The following TET3 variants were observed in gnomAD, a reference collection of about 807,000 sequenced individuals.
TET3 encodes methylcytosine dioxygenase TET3.
TET3 carries 19 observed loss-of-function variants against 141.4 expected under a neutral mutation model. That is an observed-to-expected ratio of 0.13 (90% CI 0.09 to 0.20). The LOEUF is 0.20. Ranked by LOEUF, TET3 falls within the 10% of genes least tolerant of loss-of-function variation. The probability of loss-of-function intolerance (pLI) is 1.00; values close to 1 mark genes in which losing one functional copy is unlikely to be tolerated. For missense variants in TET3, 1,874 were observed against 2,356.9 expected (o/e 0.80, Z 4.24); for synonymous variants, 1,043 against 980.9 (o/e 1.06, Z -1.18).
intron 4 of TET3, among the ~76,000 whole-genome samples, chr2:74,052,719 A>C (rs1558750687): frequency 6.6e-6 from 1 of 152,026 alleles, no homozygotes; most frequent in Non-Finnish European, 1.5e-5. Flanking sequence ...AAAATACAAA[A>C]ATTAGCTGGG....
At position 74,107,934 on chromosome 2, in the gene TET3, A is replaced by AAT. The variant is rs1448161473; in HGVS notation, c.*5761_*5762dup. On this transcript the variant is annotated 3_prime_UTR_variant, in exon 12 of 12. Coordinates refer to ENST00000409262, the MANE Select transcript of TET3 (RefSeq NM_001287491.2). ...TTTGTATAATTTTTACCTTTTTGTT[A>AAT]ATATTTTTTCCTTCCACTTTATTGG... 6.5e-6 allele frequency: 1 copy of AAT among 152,922 alleles called. No individual in the cohort carries two copies. The highest frequency in any genetic ancestry group is 6.6e-5 in the Admixed American group (1 of 15,262). The allele number at this position is 152,922 out of a possible 1,614,324, so 9.5% of individuals were successfully genotyped here. A position where few individuals can be genotyped will look rare whatever the true frequency, so the allele number is the denominator to read the frequency against.
intron 10 of TET3, among the ~76,000 whole-genome samples, chr2:74,097,854 A>G (rs1307545645): frequency 1.3e-5 from 2 of 152,138 alleles, no homozygotes; most frequent in Non-Finnish European, 2.9e-5. Context: ...TCAGAGGCAC[A>G]CTCGCAGGGA....
At chr2:74,032,826 A>G (rs780877743) in intron 3 of TET3, among the ~76,000 whole-genome samples, 3 of 152,118 alleles carry the variant, frequency 2.0e-5, no homozygotes, top group Non-Finnish European at 4.4e-5. Context: ...TGCCCAGGCG[A>G]TAACTTTGCA....
At chr2:74,064,178 T>A (rs763494585) in intron 4 of TET3, among the ~76,000 whole-genome samples, 14 of 152,262 alleles carry the variant, frequency 9.2e-5, no homozygotes, top group Non-Finnish European at 1.6e-4. Context: ...CAATGATGTC[T>A]TATACTAGTT....
rs1329785801 is a variant in TET3 at position 74,047,545 on chromosome 2, T to G, written c.1628T>G (p.Val543Gly). ...AAGCGCAGCCTCTTCCTAGAACAGG[T>G]GCACGACACCTCCTTCCCTGCTCCT... ...HHKRSLFLEQ[V>G]HDTSFPAPSE... is the part of the protein sequence containing the mutation. Residue 543 changes from valine to glycine, a missense_variant, in exon 4 of 12, where the codon GTG (valine) becomes GGG (glycine). Transcript: ENST00000409262. 3 of 1,613,648 alleles carry G rather than the reference T, an allele frequency of 1.9e-6. No individual in the cohort carries two copies. Among genetic ancestry groups the G allele is most frequent in the Non-Finnish European group, 2.5e-6 (3 of 1,179,862 alleles).
intron 2 of TET3, among the ~76,000 whole-genome samples, chr2:73,991,891 G>A (rs983971551): frequency 9.9e-5 from 15 of 152,032 alleles, no homozygotes; most frequent in African/African-American, 3.6e-4. Context: ...TGGTGGGACT[G>A]GGGAAGGACT....
At chr2:74,077,775 C>T (rs182066318) in intron 5 of TET3, among the ~76,000 whole-genome samples, 285 of 152,310 alleles carry the variant, frequency 1.9e-3, no homozygotes, top group Non-Finnish European at 3.5e-3. Flanking sequence ...GTCCTCAGCT[C>T]ACCCTCCTGC....
chr2:74,130,494 G>A, the TET3 span: 1 of 152,270 alleles, frequency 6.6e-6, no homozygotes, highest in African/African-American at 2.4e-5. Flanking sequence ...GCTCCTTTTG[G>A]TGGCCCGAAG....
chr2:74,117,599 C>T, the TET3 span, among the ~76,000 whole-genome samples: 1 of 152,182 alleles, frequency 6.6e-6, no homozygotes, highest in East Asian at 1.9e-4. Flanking sequence ...ACAATGAGCA[C>T]CCACATACTC....
chr2:74,080,957 T>C (rs1306768708), intron 6 of TET3, among the ~76,000 whole-genome samples: 2 of 152,204 alleles, frequency 1.3e-5, no homozygotes, highest in Admixed American at 6.5e-5. Context: ...GACCCGTTGA[T>C]GGGCTCCACT....
At chr2:74,115,949 C>A in the TET3 span, among the ~76,000 whole-genome samples, 100 of 144,968 alleles carry the variant, frequency 6.9e-4, 1 homozygote, top group East Asian at 0.021. Flanking sequence ...CTGGAGGACA[C>A]GGCTACAGTG....
chr2:74,037,968 A>G (rs141042398), intron 3 of TET3, among the ~76,000 whole-genome samples: 1,882 of 152,268 alleles, frequency 0.012, 21 homozygotes, highest in Non-Finnish European at 0.02. Flanking sequence ...GGCGTTCCAC[A>G]CTTTTCCAGC....
At chr2:74,023,498 C>T (rs116312371) in intron 3 of TET3, among the ~76,000 whole-genome samples, 2,336 of 152,292 alleles carry the variant, frequency 0.015, 51 homozygotes, top group African/African-American at 0.047. Context: ...CTCCCTCGGC[C>T]TCCCAAAGTG....
In TET3 at chr2:74,048,230, C is replaced by T. The variant is rs555667436; in HGVS notation, c.2313C>T (p.Thr771=). 51 of 1,613,712 alleles carry T rather than the reference C, an allele frequency of 3.2e-5. No individual in the cohort carries two copies. The South Asian group carries it at 5.5e-4, about 17-fold the overall frequency. The part of the protein sequence containing the change: ...SSGAVTVLST[T]CFHSEEGGQE... ...GGGCTGTGACTGTGCTCTCAACCAC[C>T]TGCTTCCATTCAGAGGAGGGAGGAC... The change falls in exon 4 of 12, where the codon ACC becomes ACT. Residue 771 remains threonine (T), a synonymous_variant. Coordinates refer to ENST00000409262, the MANE Select transcript of TET3 (RefSeq NM_001287491.2).
At chr2:74,120,777 A>G in the TET3 span, 7 of 152,590 alleles carry the variant, frequency 4.6e-5, no homozygotes, top group East Asian at 9.6e-4. Flanking sequence ...CAGCTATACA[A>G]AACAACTCAG....
At chr2:73,987,863 C>T (rs904301375) in intron 2 of TET3, among the ~76,000 whole-genome samples, 3 of 152,212 alleles carry the variant, frequency 2.0e-5, no homozygotes, top group Non-Finnish European at 4.4e-5. Context: ...AGCCCGTGCT[C>T]TGGGTTTCCC....
chr2:73,988,999 G>GTTTTTT (rs57748474), intron 2 of TET3, among the ~76,000 whole-genome samples: 1 of 107,782 alleles, frequency 9.3e-6, no homozygotes. Context: ...AGTTTTTTTT[G>GTTTTTT]TTTTTTTTTT....
At chr2:74,073,526 G>A (rs562605795) in intron 4 of TET3, 23 bp from the exon 5 acceptor site, 2 of 1,559,054 alleles carry the variant, frequency 1.3e-6, no homozygotes, top group Admixed American at 1.9e-5. Flanking sequence ...TTCCAAAAAT[G>A]TTTACTCTCT....
intron 3 of TET3, among the ~76,000 whole-genome samples, chr2:74,042,552 T>C (rs939829105): frequency 6.6e-6 from 1 of 152,194 alleles, no homozygotes; most frequent in Non-Finnish European, 1.5e-5. Flanking sequence ...TGTGGGAGAT[T>C]TGGCCCGAAG....
Sources: gnomAD v4.1 joint callset for allele counts (sites outside exome capture counted in the v4.1 genomes callset) on GRCh38, gnomAD v4.1.1 for gene constraint, MANE v1.5 for transcripts, NCBI Gene and HGNC (gene_info 2026-07-23, HGNC 2026-07-21) for gene names.